Variants in CHMP3 observed in about 807,000 individuals in gnomAD.
CHMP3 encodes the protein charged multivesicular body protein 3.
CHMP3 carries 8 observed loss-of-function variants against 27.4 expected under a neutral mutation model. That is an observed-to-expected ratio of 0.29 (90% CI 0.17 to 0.53). CHMP3 has a LOEUF of 0.53. CHMP3 is among the 20% of genes least tolerant of loss of function. The pLI is 0.96. For missense variants in CHMP3, 208 were observed against 271.5 expected (o/e 0.77, Z 1.64); for synonymous variants, 86 against 85.5 (o/e 1.01, Z -0.03).
In CHMP3 at chr2:86,505,636, T is replaced by G; in HGVS notation, c.*168A>C. 3.3e-6 allele frequency: 3 copies of G among 910,288 alleles called. No homozygotes were observed. The highest frequency in any genetic ancestry group is 3.0e-6 in the Non-Finnish European group (2 of 663,746). The allele number at this position is 910,288 out of a possible 1,614,324, so 56.4% of individuals were successfully genotyped here. A position where few individuals can be genotyped will look rare whatever the true frequency, so the allele number is the denominator to read the frequency against. ...AATGATGCATTTATTTATGCCACTT[T>G]TATAAGAACAATCCCTTTGCGATCC... On this transcript the variant is annotated 3_prime_UTR_variant, in exon 6 of 6. Transcript: ENST00000263856.
At chr2:86,530,515 T>C (rs888765734) in intron 2 of CHMP3, among the ~76,000 whole-genome samples, 57 of 152,244 alleles carry the variant, frequency 3.7e-4, no homozygotes, top group Admixed American at 2.9e-3. Context: ...TTTTGTAGCA[T>C]ATGTCAGAAC....
intron 3 of CHMP3, among the ~76,000 whole-genome samples, chr2:86,518,975 TA>T (rs1212277424): frequency 6.6e-6 from 1 of 152,232 alleles, no homozygotes; most frequent in Non-Finnish European, 1.5e-5. Context: ...CCATGGCTTT[TA>T]ATATTAAGGA....
intron 3 of CHMP3, among the ~76,000 whole-genome samples, chr2:86,528,086 G>A (rs778482990): frequency 2.0e-5 from 3 of 151,578 alleles, no homozygotes; most frequent in Non-Finnish European, 4.4e-5. Context: ...TCAGTATCTC[G>A]AGAAAGAAAC....
chr2:86,562,207 A>G (rs1451734801), intron 1 of CHMP3: 2 of 152,266 alleles, frequency 1.3e-5, no homozygotes, highest in African/African-American at 4.8e-5. Flanking sequence ...TGCAAGATGC[A>G]TAAGATTAGT....
intron 4 of CHMP3, among the ~76,000 whole-genome samples, chr2:86,509,806 A>G (rs569217939): frequency 6.6e-6 from 1 of 152,370 alleles, no homozygotes; most frequent in East Asian, 1.9e-4. Flanking sequence ...AGACTAGGAG[A>G]TAGGACAGTA....
chr2:86,555,493 TC>T (rs1677085120), intron 1 of CHMP3, among the ~76,000 whole-genome samples: 1 of 145,864 alleles, frequency 6.9e-6, no homozygotes, highest in African/African-American at 2.5e-5. Context: ...AGAGCAAGAC[TC>T]CATCTCAAAA....
chr2:86,510,700 AC>A, intron 3 of CHMP3: 1 of 523,450 alleles, frequency 1.9e-6, no homozygotes, highest in Non-Finnish European at 3.2e-6. Context: ...GAGCATGCAC[AC>A]CACATGACCA....
chr2:86,541,692 G>A (rs1351608827), intron 2 of CHMP3, among the ~76,000 whole-genome samples: 1 of 151,924 alleles, frequency 6.6e-6, no homozygotes, highest in East Asian at 1.9e-4. Flanking sequence ...TTTTATTTAC[G>A]ATGAGAATGC....
chr2:86,536,782 C>T (rs1018781129), intron 2 of CHMP3, among the ~76,000 whole-genome samples: 2 of 152,172 alleles, frequency 1.3e-5, no homozygotes, highest in African/African-American at 4.8e-5. Context: ...ATTATTTCTT[C>T]AAATAATCTC....
chr2:86,513,436 T>C (rs542001346), intron 3 of CHMP3, among the ~76,000 whole-genome samples: 16 of 152,316 alleles, frequency 1.1e-4, no homozygotes, highest in African/African-American at 3.4e-4. Context: ...GATATCATTA[T>C]ATATGTGTCC....
At chr2:86,550,993 A>C (rs1346639111) in intron 1 of CHMP3, among the ~76,000 whole-genome samples, 1 of 152,232 alleles carries the variant, frequency 6.6e-6, no homozygotes, top group East Asian at 1.9e-4. Context: ...CTCCTCAGAT[A>C]CCGAGAAATG....
At chr2:86,514,974 C>T (rs1027199234) in intron 3 of CHMP3, among the ~76,000 whole-genome samples, 2 of 152,110 alleles carry the variant, frequency 1.3e-5, no homozygotes, top group African/African-American at 4.8e-5. Flanking sequence ...ACATTTAAAA[C>T]AACAAAGATC....
chr2:86,563,262 A>C (rs753744149), intron 1 of CHMP3, 42 bp downstream of exon 1: 2 of 1,611,708 alleles, frequency 1.2e-6, no homozygotes, highest in African/African-American at 2.7e-5. Flanking sequence ...ACTACGCCCC[A>C]CACAGATCCA....
chr2:86,535,994 C>CTTTT (rs60555193), intron 2 of CHMP3, among the ~76,000 whole-genome samples: 1,169 of 111,544 alleles, frequency 0.01, 60 homozygotes, highest in Admixed American at 0.013. Flanking sequence ...ATAAACCTTT[C>CTTTT]TTTTTTTTTT....
intron 2 of CHMP3, among the ~76,000 whole-genome samples, chr2:86,541,698 A>C (rs1203925745): frequency 6.6e-6 from 1 of 152,128 alleles, no homozygotes; most frequent in Non-Finnish European, 1.5e-5. Context: ...TTACGATGAG[A>C]ATGCAAGTTG....
chr2:86,555,137 C>T (rs866204550), intron 1 of CHMP3, among the ~76,000 whole-genome samples: 14 of 152,012 alleles, frequency 9.2e-5, no homozygotes, highest in Admixed American at 1.3e-4. Context: ...CATGAGCCAC[C>T]GCTCCCGGCC....
At chr2:86,516,369 G>A (rs907557298) in intron 3 of CHMP3, among the ~76,000 whole-genome samples, 2 of 152,136 alleles carry the variant, frequency 1.3e-5, no homozygotes, top group African/African-American at 4.8e-5. Context: ...AAGTAGAGAA[G>A]TATCATTTCA....
chr2:86,555,071 C>T (rs797004647), intron 1 of CHMP3, among the ~76,000 whole-genome samples: 15 of 152,168 alleles, frequency 9.9e-5, no homozygotes, highest in African/African-American at 3.6e-4. Flanking sequence ...TGGTCTTGAA[C>T]TCCTGACCTC....
intron 3 of CHMP3, among the ~76,000 whole-genome samples, chr2:86,524,648 G>T (rs1219415405): frequency 1.3e-5 from 2 of 152,112 alleles, no homozygotes; most frequent in Non-Finnish European, 2.9e-5. Context: ...ACAAATTTTG[G>T]TATCTGTGGG....
Sources: gnomAD v4.1 joint callset for allele counts (sites outside exome capture counted in the v4.1 genomes callset) on GRCh38, gnomAD v4.1.1 for gene constraint, MANE v1.5 for transcripts, NCBI Gene and HGNC (gene_info 2026-07-23, HGNC 2026-07-21) for gene names.